Variants in COL26A1 observed in about 807,000 individuals in gnomAD.
COL26A1 encodes collagen type XXVI alpha 1 chain, also known as collagen alpha-1(XXVI) chain.
A neutral mutation model predicts 59.3 loss-of-function variants in COL26A1; 41 were observed. The observed-to-expected ratio is 0.69, with a 90% CI of 0.54 to 0.90. COL26A1 has a LOEUF of 0.90. Ranked by LOEUF, COL26A1 falls within the 40% of genes least tolerant of loss-of-function variation. The pLI, the probability that COL26A1 is intolerant of heterozygous loss-of-function variation, is 0.00. For synonymous variants in COL26A1, 266 were observed against 256.0 expected, an observed-to-expected ratio of 1.04 and a Z score of -0.37; for missense variants, 612 against 602.3, an observed-to-expected ratio of 1.02 and a Z score of -0.17.
intron 1 of COL26A1, among the ~76,000 whole-genome samples, chr7:101,370,336 A>G (rs986756883): frequency 1.3e-5 from 2 of 152,024 alleles, no homozygotes; most frequent in Admixed American, 6.6e-5. Flanking sequence ...GTATAAAATC[A>G]AGCTGACACA....
chr7:101,472,516 A>T (rs1793928197), intron 3 of COL26A1, among the ~76,000 whole-genome samples: 1 of 152,132 alleles, frequency 6.6e-6, no homozygotes, highest in Non-Finnish European at 1.5e-5. Flanking sequence ...ACTCTGGTTG[A>T]GACTCCTCCA....
At chr7:101,394,141 G>GT (rs1487542044) in intron 1 of COL26A1, among the ~76,000 whole-genome samples, 9 of 152,058 alleles carry the variant, frequency 5.9e-5, no homozygotes, top group Non-Finnish European at 1.2e-4. Context: ...AGTGGACCTT[G>GT]TAAGAGGGTA....
intron 3 of COL26A1, among the ~76,000 whole-genome samples, chr7:101,466,875 G>A (rs936685672): frequency 1.3e-5 from 2 of 148,178 alleles, no homozygotes; most frequent in African/African-American, 2.5e-5. Context: ...TTCATGCAAC[G>A]TGAAGGGTCT....
chr7:101,401,886 G>A (rs978101514), intron 1 of COL26A1, among the ~76,000 whole-genome samples: 1 of 152,072 alleles, frequency 6.6e-6, no homozygotes, highest in Non-Finnish European at 1.5e-5. Flanking sequence ...AGGATCTGGT[G>A]GTGTCGAAGC....
chr7:101,446,108 C>A (rs1369454563), intron 2 of COL26A1, among the ~76,000 whole-genome samples: 1 of 148,504 alleles, frequency 6.7e-6, no homozygotes, highest in Non-Finnish European at 1.5e-5. Flanking sequence ...TTTTAAATAA[C>A]CAGATGTCAC....
At chr7:101,555,719 C>A in intron 11 of COL26A1, 68 bp from the exon 12 acceptor site, 1 of 1,166,852 alleles carries the variant, frequency 8.6e-7, no homozygotes, top group Non-Finnish European at 1.2e-6. Flanking sequence ...TACACTGTCA[C>A]TGTATCAGGA....
At chr7:101,499,879 TA>T (rs35539371) in intron 3 of COL26A1, among the ~76,000 whole-genome samples, 219 of 79,642 alleles carry the variant, frequency 2.7e-3, no homozygotes, top group Middle Eastern at 5.5e-3. Context: ...GTCCCTGCCT[TA>T]AAAAAAAAAA....
At position 101,363,201 on chromosome 7, in the gene COL26A1, C is replaced by A. The variant is rs1790942421; in HGVS notation, c.158+11C>A. 3.2e-6 allele frequency: 2 copies of A among 627,182 alleles called. No individual in the cohort carries two copies. The highest frequency in any genetic ancestry group is 5.0e-5 in the South Asian group (2 of 39,918). The allele number at this position is 627,182 out of a possible 1,614,324, so 38.9% of individuals were successfully genotyped here. ...CTACGCGAGCCGCCGGTGAGTAGCT[C>A]GGGGCCGAGGGGCCGGGGGGTGGGG... On this transcript the variant is annotated intron_variant, in intron 1 of 12. Coordinates refer to ENST00000313669, the MANE Select transcript of COL26A1 (RefSeq NM_001278563.3).
chr7:101,407,818 C>T (rs1584381097), intron 1 of COL26A1, among the ~76,000 whole-genome samples: 1 of 152,106 alleles, frequency 6.6e-6, no homozygotes. Context: ...CAGCAGTTAG[C>T]ACCCCTTCAA....
intron 3 of COL26A1, among the ~76,000 whole-genome samples, chr7:101,520,772 T>G (rs1458580832): frequency 6.6e-6 from 1 of 152,086 alleles, no homozygotes; most frequent in African/African-American, 2.4e-5. Context: ...ACTCTCTCTA[T>G]AAGCCCCTTT....
At chr7:101,396,869 C>T (rs2130174806) in intron 1 of COL26A1, among the ~76,000 whole-genome samples, 1 of 152,240 alleles carries the variant, frequency 6.6e-6, no homozygotes, top group Middle Eastern at 3.4e-3. Context: ...GAGCAAGACC[C>T]AGTGGAGATC....
intron 3 of COL26A1, among the ~76,000 whole-genome samples, chr7:101,489,776 T>C (rs530673767): frequency 0.059 from 165 of 2,810 alleles, 35 homozygotes; most frequent in Non-Finnish European, 0.084. Context: ...CTTTCTTTCT[T>C]TCTTTCTTTC....
Position 101,530,907 on chromosome 7 carries a change from G to T in COL26A1, c.386-2175G>T, listed in dbSNP as rs191808667. On this transcript the variant is annotated intron_variant, in intron 3 of 12. Coordinates refer to ENST00000313669, the MANE Select transcript of COL26A1 (RefSeq NM_001278563.3). ...TGTTCATCTGCCAAGAGGTCCCTCC[G>T]CCTTTCCCTTTGCTTTGTGGATTTT... 2.6e-5 allele frequency among the ~76,000 whole-genome samples: 4 copies of T among 152,076 alleles called. No homozygotes were observed. The South Asian group carries it at 6.3e-4, about 24-fold the overall frequency.
chr7:101,420,431 T>C (rs13239393), intron 2 of COL26A1, among the ~76,000 whole-genome samples: 25,960 of 152,092 alleles, frequency 0.17, 2,754 homozygotes, highest in Non-Finnish European at 0.24. Flanking sequence ...ACCAGCCTTA[T>C]GGCTCCAGGC....
intron 1 of COL26A1, 148 bp from the exon 2 acceptor site, chr7:101,419,829 C>G: frequency 1.3e-6 from 1 of 752,172 alleles, no homozygotes; most frequent in Non-Finnish European, 2.2e-6. Context: ...CAGACCGAGA[C>G]AGAGGGTCTC....
chr7:101,447,659 C>T (rs1377801047), intron 2 of COL26A1, 25 bp from the exon 3 acceptor site: 16 of 1,460,518 alleles, frequency 1.1e-5, no homozygotes, highest in Non-Finnish European at 1.3e-5. Context: ...GAGCTCATGC[C>T]CCCCTGACGC....
intron 1 of COL26A1, among the ~76,000 whole-genome samples, chr7:101,375,788 C>A (rs1156273307): frequency 6.6e-6 from 1 of 150,746 alleles, no homozygotes; most frequent in Non-Finnish European, 1.5e-5. Flanking sequence ...GAGATCCAGA[C>A]CATCCTGGCT....
chr7:101,447,658 C>G, intron 2 of COL26A1, 26 bp from the exon 3 acceptor site: 1 of 1,462,200 alleles, frequency 6.8e-7, no homozygotes, highest in Non-Finnish European at 9.4e-7. Context: ...GGAGCTCATG[C>G]CCCCCTGACG....
intron 4 of COL26A1, among the ~76,000 whole-genome samples, chr7:101,539,081 G>A (rs1393453052): frequency 6.6e-6 from 1 of 152,226 alleles, no homozygotes; most frequent in Non-Finnish European, 1.5e-5. Context: ...TCCCGGTCCC[G>A]GGATCTGGGT....
Sources: gnomAD v4.1 joint callset for allele counts (sites outside exome capture counted in the v4.1 genomes callset) on GRCh38, gnomAD v4.1.1 for gene constraint, MANE v1.5 for transcripts, NCBI Gene and HGNC (gene_info 2026-07-23, HGNC 2026-07-21) for gene names.